The following BCL2L1 variants were observed in gnomAD, a reference collection of about 807,000 sequenced individuals.
The protein encoded by BCL2L1 is bcl-2-like protein 1.
Under a neutral mutation model 18.7 loss-of-function variants are expected in BCL2L1, and 1 was observed. The ratio of observed to expected loss-of-function variants is 0.05; its 90% CI spans 0.02 to 0.25. The LOEUF is 0.25. BCL2L1 is among the 10% of genes least tolerant of loss of function. The pLI is 1.00. For missense variants in BCL2L1, 207 were observed against 304.9 expected, an observed-to-expected ratio of 0.68 and a Z score of 2.39; for synonymous variants, 103 against 122.7, an observed-to-expected ratio of 0.84 and a Z score of 1.06.
At chr20:31,705,347 A>C (rs977831810) in intron 2 of BCL2L1, among the ~76,000 whole-genome samples, 2 of 152,202 alleles carry the variant, frequency 1.3e-5, no homozygotes, top group African/African-American at 4.8e-5. Context: ...ATCCTTACAA[A>C]AACCCTATGA....
chr20:31,713,567 A>T, intron 2 of BCL2L1: 1 of 985,402 alleles, frequency 1.0e-6, no homozygotes, highest in South Asian at 4.7e-5. Flanking sequence ...TGTGTGGCTC[A>T]GAGTTCACTG....
upstream of BCL2L1, chr20:31,723,891 C>G (rs371477923): frequency 6.7e-5 from 66 of 985,316 alleles, no homozygotes; most frequent in East Asian, 1.8e-3. Flanking sequence ...CCGTCTCTCC[C>G]GAACAAGCCG....
intron 2 of BCL2L1, among the ~76,000 whole-genome samples, chr20:31,668,595 T>C (rs984383597): frequency 3.4e-5 from 5 of 148,210 alleles, no homozygotes; most frequent in Admixed American, 2.0e-4. Flanking sequence ...CGAGCCACCA[T>C]ATCTGGCCTT....
intron 2 of BCL2L1, among the ~76,000 whole-genome samples, chr20:31,670,529 G>A (rs539550661): frequency 6.6e-6 from 1 of 152,274 alleles, no homozygotes; most frequent in South Asian, 2.1e-4. Context: ...TCCCCACAAG[G>A]GCACAAAGCA....
In BCL2L1 at chr20:31,669,867, AT is replaced by A. The variant is rs573949233; in HGVS notation, c.565-3782del. Reference sequence around the variant, plus strand: ...AACAAATGTATTGCATGTCTACTACATGTCAGGCATTGGTATCCCATTTCAT... The same window carrying A: ...AACAAATGTATTGCATGTCTACTACAGTCAGGCATTGGTATCCCATTTCAT... On this transcript the variant is annotated intron_variant, in intron 2 of 2. Coordinates refer to ENST00000307677, the MANE Select transcript of BCL2L1 (RefSeq NM_138578.3). Among the ~76,000 whole-genome samples the A allele has an allele frequency of 1.6e-3, 238 of 152,308 alleles. 1 individual carries two copies. Among genetic ancestry groups the A allele is most frequent in the African/African-American group, 5.6e-3 (232 of 41,572 alleles).
intron 2 of BCL2L1, among the ~76,000 whole-genome samples, chr20:31,715,599 C>T (rs537474479): frequency 6.6e-6 from 1 of 152,306 alleles, no homozygotes; most frequent in African/African-American, 2.4e-5. Flanking sequence ...TTTGTTGGGA[C>T]TCAGGACATA....
intron 2 of BCL2L1, among the ~76,000 whole-genome samples, chr20:31,696,486 T>C (rs1428822347): frequency 2.0e-5 from 3 of 152,170 alleles, no homozygotes; most frequent in African/African-American, 7.2e-5. Context: ...GCCTGGGCAG[T>C]TGAAACCCAG....
intron 2 of BCL2L1, among the ~76,000 whole-genome samples, chr20:31,699,518 T>C (rs2061242640): frequency 6.6e-6 from 1 of 152,244 alleles, no homozygotes; most frequent in African/African-American, 2.4e-5. Flanking sequence ...GAAAGAGTCC[T>C]CTCAGCTGGG....
rs1470829421 is a variant in BCL2L1 at position 31,722,687 on chromosome 20, AGAG to A, written c.-203_-201del. ...AAGATCTTTTGTATCACAGGTCGGG[AGAG>A]GAGGTGGCTGCGGGGATGCCGGTAA... On this transcript the variant is annotated 5_prime_UTR_variant, in exon 1 of 3. Coordinates refer to ENST00000307677, the MANE Select transcript of BCL2L1 (RefSeq NM_138578.3). The A allele has an allele frequency of 6.6e-6, 1 of 151,968 alleles. No individual in the cohort carries two copies. Among genetic ancestry groups the A allele is most frequent in the East Asian group, 1.9e-4 (1 of 5,136 alleles). The allele number at this position is 151,968 out of a possible 1,614,324, so 9.4% of individuals were successfully genotyped here. A position where few individuals can be genotyped will look rare whatever the true frequency, so the allele number is the denominator to read the frequency against.
chr20:31,676,969 C>A (rs544933628), intron 2 of BCL2L1, among the ~76,000 whole-genome samples: 17 of 152,126 alleles, frequency 1.1e-4, no homozygotes, highest in African/African-American at 4.1e-4. Context: ...GCTCTCTCTC[C>A]GCTGCTGCTC....
intron 2 of BCL2L1, among the ~76,000 whole-genome samples, chr20:31,701,625 T>C (rs1464006290): frequency 6.6e-6 from 1 of 152,252 alleles, no homozygotes; most frequent in Non-Finnish European, 1.5e-5. Context: ...TGGTCCAGTT[T>C]TCTTTTAAGT....
At chr20:31,696,432 C>T (rs2061172099) in intron 2 of BCL2L1, among the ~76,000 whole-genome samples, 1 of 152,180 alleles carries the variant, frequency 6.6e-6, no homozygotes, top group Non-Finnish European at 1.5e-5. Flanking sequence ...TGCAAACACA[C>T]AGGGACACAA....
intron 2 of BCL2L1, among the ~76,000 whole-genome samples, chr20:31,697,943 A>G (rs749866623): frequency 8.3e-6 from 1 of 120,492 alleles, no homozygotes; most frequent in Non-Finnish European, 1.6e-5. Context: ...GCTGGAGTGC[A>G]GTGGCACAAT....
chr20:31,689,388 C>G (rs1421971283), intron 2 of BCL2L1, among the ~76,000 whole-genome samples: 1 of 140,002 alleles, frequency 7.1e-6, no homozygotes, highest in South Asian at 2.4e-4. Flanking sequence ...ACCAGGAGTT[C>G]GAAACCAGCC....
At chr20:31,672,158 G>C (rs1026120883) in intron 2 of BCL2L1, among the ~76,000 whole-genome samples, 13 of 151,740 alleles carry the variant, frequency 8.6e-5, no homozygotes, top group African/African-American at 3.1e-4. Flanking sequence ...TAAGTCCTGG[G>C]GAGGTGACAG....
At chr20:31,719,809 T>C (rs1221843546) in intron 2 of BCL2L1, among the ~76,000 whole-genome samples, 2 of 152,174 alleles carry the variant, frequency 1.3e-5, no homozygotes, top group East Asian at 1.9e-4. Context: ...GCCTTTTGTT[T>C]ATAGCTGGCA....
intron 2 of BCL2L1, among the ~76,000 whole-genome samples, chr20:31,678,475 G>A (rs1266769852): frequency 6.6e-6 from 1 of 152,126 alleles, no homozygotes; most frequent in Admixed American, 6.5e-5. Flanking sequence ...GAGAATGAAA[G>A]TAACTCATGC....
At chr20:31,682,183 G>A (rs1399228097) in intron 2 of BCL2L1, among the ~76,000 whole-genome samples, 2 of 152,222 alleles carry the variant, frequency 1.3e-5, no homozygotes, top group African/African-American at 4.8e-5. Context: ...ATGCCAGAAG[G>A]CCAGTATATG....
chr20:31,707,562 T>C (rs2061386941), intron 2 of BCL2L1, among the ~76,000 whole-genome samples: 1 of 152,044 alleles, frequency 6.6e-6, no homozygotes, highest in African/African-American at 2.4e-5. Flanking sequence ...ACAGATCACC[T>C]GAGGTCAGGA....
Sources: allele counts gnomAD v4.1 joint callset (sites outside exome capture counted in the v4.1 genomes callset), GRCh38; gene constraint gnomAD v4.1.1; transcripts MANE v1.5; gene names NCBI Gene and HGNC (gene_info 2026-07-23, HGNC 2026-07-21).